The following SNX29 variants were observed in gnomAD, a reference collection of about 807,000 sequenced individuals.
SNX29 encodes the protein sorting nexin-29.
Under a neutral mutation model 102.1 loss-of-function variants are expected in SNX29, and 78 were observed. That is an observed-to-expected ratio of 0.76 (90% CI 0.64 to 0.92). The LOEUF (loss-of-function observed/expected upper bound fraction) is 0.92, where lower values mean the gene tolerates loss of function less well. Among genes scored for constraint, SNX29 ranks in the 40% least tolerant of loss-of-function variants. The pLI is 0.00. For synonymous variants in SNX29, 580 were observed against 414.5 expected, an observed-to-expected ratio of 1.40 and a Z score of -4.85; for missense variants, 1,280 against 1,061.7, an observed-to-expected ratio of 1.21 and a Z score of -2.86.
intron 10 of SNX29, among the ~76,000 whole-genome samples, chr16:12,077,542 T>C (rs1195454270): frequency 6.6e-6 from 1 of 152,128 alleles, no homozygotes. Flanking sequence ...TCCCAGTAGT[T>C]GTATTCTATA....
intron 14 of SNX29, among the ~76,000 whole-genome samples, chr16:12,201,741 C>T (rs892802149): frequency 6.6e-6 from 1 of 152,172 alleles, no homozygotes. Context: ...ACAGCACCAC[C>T]ACCTTTTGTG....
intron 20 of SNX29, among the ~76,000 whole-genome samples, chr16:12,540,392 CAA>C (rs893500072): frequency 6.6e-6 from 1 of 152,162 alleles, no homozygotes; most frequent in Non-Finnish European, 1.5e-5. Context: ...CAAATTGGCA[CAA>C]AGTTAGTGGC....
chr16:12,045,245 C>T (rs1010755330), intron 5 of SNX29, among the ~76,000 whole-genome samples: 4 of 152,208 alleles, frequency 2.6e-5, no homozygotes, highest in African/African-American at 9.6e-5. Flanking sequence ...TCAGTCACTT[C>T]AGTGGCTAAT....
At chr16:12,153,378 C>T (rs148985907) in intron 13 of SNX29, among the ~76,000 whole-genome samples, 276 of 152,148 alleles carry the variant, frequency 1.8e-3, no homozygotes, top group African/African-American at 3.7e-3. Flanking sequence ...ATCTCTTGGC[C>T]GGTCTTGTGT....
chr16:12,191,825 A>T lies in SNX29; in HGVS notation c.1596-7776A>T, dbSNP rs183863843. 2.0e-5 allele frequency among the ~76,000 whole-genome samples: 3 copies of T among 152,134 alleles called. No individual in the cohort carries two copies. In the South Asian group the frequency reaches 6.2e-4, roughly 32 times the overall value. On this transcript the variant is annotated intron_variant, in intron 13 of 20. Coordinates refer to ENST00000566228, the MANE Select transcript of SNX29 (RefSeq NM_032167.5). ...ATTTATGCCTCCCTTCTTGCCTTTT[A>T]TTGGTGCCTATTCTGGGGGAGTCCT...
intron 18 of SNX29, among the ~76,000 whole-genome samples, chr16:12,448,773 C>G (rs1188104861): frequency 6.6e-6 from 1 of 152,208 alleles, no homozygotes; most frequent in African/African-American, 2.4e-5. Flanking sequence ...GTCTGTCAGT[C>G]TTTCTCCAAG....
chr16:11,978,598 T>G (rs995208419), intron 1 of SNX29, among the ~76,000 whole-genome samples: 1 of 152,142 alleles, frequency 6.6e-6, no homozygotes, highest in African/African-American at 2.4e-5. Context: ...TTTTGCCTAG[T>G]TATGAGAGGA....
chr16:12,088,429 T>C (rs1211512161), intron 11 of SNX29, among the ~76,000 whole-genome samples: 2 of 152,146 alleles, frequency 1.3e-5, no homozygotes, highest in African/African-American at 4.8e-5. Context: ...CTTGTTCTTA[T>C]ACTTAGAAAG....
intron 1 of SNX29, among the ~76,000 whole-genome samples, chr16:11,998,619 C>T (rs930120647): frequency 6.6e-6 from 1 of 152,204 alleles, no homozygotes; most frequent in Non-Finnish European, 1.5e-5. Context: ...CTCCACCCAA[C>T]ATGTTTATGA....
intron 11 of SNX29, among the ~76,000 whole-genome samples, chr16:12,121,163 A>C (rs1024546356): frequency 6.6e-6 from 1 of 152,230 alleles, no homozygotes; most frequent in African/African-American, 2.4e-5. Context: ...AGTGACCCAC[A>C]GGCTTGGGGG....
At chr16:12,268,187 CTGG>C (rs1250645930) in intron 14 of SNX29, among the ~76,000 whole-genome samples, 9 of 152,362 alleles carry the variant, frequency 5.9e-5, no homozygotes, top group African/African-American at 2.2e-4. Context: ...AGCCCTTCCT[CTGG>C]CCTGGCATAT....
chr16:11,981,330 C>G (rs1447931909), intron 1 of SNX29, among the ~76,000 whole-genome samples: 1 of 151,988 alleles, frequency 6.6e-6, no homozygotes, highest in Non-Finnish European at 1.5e-5. Context: ...TCTCCAGCTC[C>G]TGACCTCAAT....
At chr16:12,386,483 G>C (rs2083345415) in intron 16 of SNX29, among the ~76,000 whole-genome samples, 1 of 152,156 alleles carries the variant, frequency 6.6e-6, no homozygotes, top group Non-Finnish European at 1.5e-5. Context: ...CTGGGTGGCT[G>C]CGTCTCCCTC....
Position 12,320,039 on chromosome 16 carries a change from C to T in SNX29, c.1783-36124C>T, listed in dbSNP as rs1206524874. Among the ~76,000 whole-genome samples the T allele has an allele frequency of 3.3e-5, 5 of 152,294 alleles. 1 individual carries two copies. The East Asian group carries it at 5.8e-4, about 18-fold the overall frequency. On this transcript the variant is annotated intron_variant, in intron 15 of 20. Coordinates refer to ENST00000566228, the MANE Select transcript of SNX29 (RefSeq NM_032167.5). The stretch of plus-strand genomic sequence containing the variant: ...CATCTCGTCACTGGTCTCCCTGCTC[C>T]TGGGGAGCTGCCACCTCTCTGCAGT...
At chr16:12,408,866 C>T (rs2084280728) in intron 18 of SNX29, among the ~76,000 whole-genome samples, 1 of 152,182 alleles carries the variant, frequency 6.6e-6, no homozygotes, top group Non-Finnish European at 1.5e-5. Flanking sequence ...AGGTAATTCC[C>T]CTGCTATGTG....
chr16:12,285,942 G>T (rs980532114), intron 15 of SNX29, among the ~76,000 whole-genome samples: 4 of 152,004 alleles, frequency 2.6e-5, no homozygotes, highest in Non-Finnish European at 1.5e-5. Context: ...TACAACCTCC[G>T]CCTCCTGGGT....
At chr16:12,238,238 G>A (rs544492729) in intron 14 of SNX29, among the ~76,000 whole-genome samples, 1 of 151,278 alleles carries the variant, frequency 6.6e-6, no homozygotes, top group Non-Finnish European at 1.5e-5. Context: ...ATTTGTGAAA[G>A]GGAGGAAATT....
At chr16:11,999,485 C>G in intron 2 of SNX29, 127 bp downstream of exon 2, 1 of 911,026 alleles carries the variant, frequency 1.1e-6, no homozygotes, top group African/African-American at 1.7e-5. Flanking sequence ...GTGAAGTGAT[C>G]TACTCATTTT....
At chr16:12,310,931 C>A (rs1426356596) in intron 15 of SNX29, among the ~76,000 whole-genome samples, 1 of 152,154 alleles carries the variant, frequency 6.6e-6, no homozygotes, top group African/African-American at 2.4e-5. Flanking sequence ...GTAGCACATC[C>A]CCCACAGGGG....
Sources: allele counts gnomAD v4.1 joint callset (sites outside exome capture counted in the v4.1 genomes callset), GRCh38; gene constraint gnomAD v4.1.1; transcripts MANE v1.5; gene names NCBI Gene and HGNC (gene_info 2026-07-23, HGNC 2026-07-21).